NWD2: variants seen among roughly 807,000 people sequenced by gnomAD.
NWD2 encodes NACHT and WD repeat domain-containing protein 2.
Under a neutral mutation model 132.7 loss-of-function variants are expected in NWD2, and 37 were observed. The ratio of observed to expected loss-of-function variants is 0.28; its 90% CI spans 0.21 to 0.37. The LOEUF (loss-of-function observed/expected upper bound fraction) is 0.37. Ranked by LOEUF, NWD2 falls within the 10% of genes least tolerant of loss-of-function variation. The probability of loss-of-function intolerance (pLI) is 1.00; values close to 1 mark genes in which losing one functional copy is unlikely to be tolerated. For synonymous variants in NWD2, 705 were observed against 803.0 expected (o/e 0.88, Z 2.06); for missense variants, 1,592 against 2,122.4 (o/e 0.75, Z 4.91).
At chr4:37,259,048 C>T (rs1717578443) in intron 1 of NWD2, among the ~76,000 whole-genome samples, 1 of 152,188 alleles carries the variant, frequency 6.6e-6, no homozygotes, top group South Asian at 2.1e-4. Context: ...GCACCTGCAC[C>T]TGCAAGGGGG....
chr4:37,388,944 G>A (rs1720628604), intron 3 of NWD2, among the ~76,000 whole-genome samples: 1 of 151,264 alleles, frequency 6.6e-6, no homozygotes, highest in East Asian at 1.9e-4. Flanking sequence ...TGGTGTCTAC[G>A]CCTAGTTCCA....
intron 2 of NWD2, among the ~76,000 whole-genome samples, chr4:37,331,947 T>C (rs1719301614): frequency 6.6e-6 from 1 of 152,136 alleles, no homozygotes; most frequent in South Asian, 2.1e-4. Context: ...GAAAGCAACA[T>C]TGGGCAGAAA....
Position 37,297,471 on chromosome 4 carries a change from G to C in NWD2, c.152-28465G>C, listed in dbSNP as rs149514852. 1.8e-3 allele frequency among the ~76,000 whole-genome samples: 276 copies of C among 152,124 alleles called. 1 individual carries two copies. The highest frequency in any genetic ancestry group is 6.0e-3 in the African/African-American group (249 of 41,502). Reference sequence around the variant, plus strand: ...ATCTTCATATCCTTTGCAGCTAAATGCTTCAATGTATATTTTCTAAAAATA... The same window carrying C: ...ATCTTCATATCCTTTGCAGCTAAATCCTTCAATGTATATTTTCTAAAAATA... On this transcript the variant is annotated intron_variant, in intron 1 of 6. Transcript: ENST00000309447.
chr4:37,445,392 C>T lies in NWD2; in HGVS notation c.3404C>T (p.Thr1135Ile). Residue 1135 changes from threonine to isoleucine, a missense_variant, in exon 7 of 7, where the codon ACA (threonine) becomes ATA (isoleucine). Physicochemically the swap from Thr to Ile is moderately conservative, Grantham distance 89. Around this residue, in one of 7 missense-constraint regions of NWD2, gnomAD observed 1,071 missense variants for 1,398.0 expected, o/e 0.77. Coordinates refer to ENST00000309447, the MANE Select transcript of NWD2 (RefSeq NM_001144990.2). The surrounding 1 kb of genome is among the most constrained non-coding windows in gnomAD (Gnocchi z 4.7). ...TTAGGGAGTGGAGAAAAGTTATGTACAGTGACATCAGAATTTTCAGGTGGA... is the reference window on the plus strand; with the variant it reads ...TTAGGGAGTGGAGAAAAGTTATGTATAGTGACATCAGAATTTTCAGGTGGA... Reference protein sequence around the residue: ...FHLGSGEKLCTVTSEFSGGFV... With the variant: ...FHLGSGEKLCIVTSEFSGGFV... The T allele has an allele frequency of 6.4e-7, 1 of 1,552,106 alleles. No homozygotes were observed. Among genetic ancestry groups the T allele is most frequent in the Middle Eastern group, 1.7e-4 (1 of 5,996 alleles).
chr4:37,321,255 C>G (rs1307168423), intron 1 of NWD2, among the ~76,000 whole-genome samples: 1 of 152,172 alleles, frequency 6.6e-6, no homozygotes, highest in Non-Finnish European at 1.5e-5. Context: ...TTTCAGCACT[C>G]TTTTATCTTC....
chr4:37,420,009 C>T (rs1055284633), intron 3 of NWD2, among the ~76,000 whole-genome samples: 2 of 152,142 alleles, frequency 1.3e-5, no homozygotes, highest in Non-Finnish European at 2.9e-5. Context: ...TCCTAGTTTC[C>T]TAGAAACCAT....
intron 3 of NWD2, among the ~76,000 whole-genome samples, chr4:37,429,304 A>G (rs766520465): frequency 1.3e-4 from 20 of 152,050 alleles, no homozygotes; most frequent in Non-Finnish European, 2.5e-4. Flanking sequence ...ATAAATATCA[A>G]AATCACTGGA....
chr4:37,304,918 C>T (rs1308023912), intron 1 of NWD2, among the ~76,000 whole-genome samples: 1 of 152,190 alleles, frequency 6.6e-6, no homozygotes, highest in Non-Finnish European at 1.5e-5. Context: ...GCGGGGGCTT[C>T]AATACCACAC....
chr4:37,447,230 C>G lies in NWD2; in HGVS notation c.*13C>G. The G allele has an allele frequency of 6.5e-7, 1 of 1,532,318 alleles. No homozygotes were observed. Among genetic ancestry groups the G allele is most frequent in the Non-Finnish European group, 8.8e-7 (1 of 1,134,530 alleles). The allele number at this position is 1,532,318 out of a possible 1,614,324, so 94.9% of individuals were successfully genotyped here. On this transcript the variant is annotated 3_prime_UTR_variant, in exon 7 of 7. Coordinates refer to ENST00000309447, the MANE Select transcript of NWD2 (RefSeq NM_001144990.2). Reference sequence around the variant, plus strand: ...CCCTGATAACTGACAAAATGTTTTCCAGCTAAGCAGAAATATGTGATCCAC... The same window carrying G: ...CCCTGATAACTGACAAAATGTTTTCGAGCTAAGCAGAAATATGTGATCCAC...
At chr4:37,408,252 C>T (rs1301821798) in intron 3 of NWD2, among the ~76,000 whole-genome samples, 5 of 149,520 alleles carry the variant, frequency 3.3e-5, no homozygotes, top group East Asian at 2.0e-4. Context: ...CCCACCCCCA[C>T]GGAGCCCAGC....
chr4:37,305,769 A>C (rs1226978893), intron 1 of NWD2, among the ~76,000 whole-genome samples: 1 of 152,056 alleles, frequency 6.6e-6, no homozygotes, highest in Non-Finnish European at 1.5e-5. Context: ...CATCAGGGTT[A>C]TTGGTCTGTA....
At chr4:37,406,923 T>C (rs7682223) in intron 3 of NWD2, among the ~76,000 whole-genome samples, 29,400 of 152,096 alleles carry the variant, frequency 0.19, 2,928 homozygotes, top group East Asian at 0.3. Flanking sequence ...AATGAGTTCA[T>C]GTCCTTTGTA....
At chr4:37,396,145 C>T (rs17603996) in intron 3 of NWD2, among the ~76,000 whole-genome samples, 11,037 of 152,214 alleles carry the variant, frequency 0.073, 815 homozygotes, top group East Asian at 0.29. Flanking sequence ...ATGACTGGTG[C>T]ACAAATACTG....
chr4:37,445,656 C>A lies in NWD2; in HGVS notation c.3668C>A (p.Ala1223Asp), dbSNP rs1712615582. The change falls in exon 7 of 7, where the codon GCT becomes GAT. Residue 1223 changes from alanine to aspartate, a missense_variant. Ala to Asp is a moderately radical substitution (Grantham distance 126). Around this residue, in one of 7 missense-constraint regions of NWD2, gnomAD observed 1,071 missense variants for 1,398.0 expected, o/e 0.77. Transcript: ENST00000309447. The surrounding 1 kb of genome is among the most constrained non-coding windows in gnomAD (Gnocchi z 4.7). ...ELLDTGLWKV[A>D]EKFRAKHNER... The stretch of plus-strand genomic sequence containing the variant: ...TTAGATACTGGTCTGTGGAAGGTGG[C>A]TGAAAAGTTCAGAGCCAAGCACAAC... 1 of 1,552,014 alleles carries A rather than the reference C, an allele frequency of 6.4e-7. No homozygotes were observed. Among genetic ancestry groups the A allele is most frequent in the Non-Finnish European group, 8.7e-7 (1 of 1,147,116 alleles).
chr4:37,419,587 G>C (rs1318509855), intron 3 of NWD2, among the ~76,000 whole-genome samples: 2 of 152,050 alleles, frequency 1.3e-5, no homozygotes, highest in Admixed American at 6.6e-5. Context: ...GTGGGCAAAG[G>C]ATATAAACAG....
At chr4:37,367,550 A>T (rs1389048990) in intron 3 of NWD2, among the ~76,000 whole-genome samples, 1 of 152,162 alleles carries the variant, frequency 6.6e-6, no homozygotes, top group East Asian at 1.9e-4. Context: ...GCTTCTACAA[A>T]TTATCAGTGC....
chr4:37,296,920 G>A (rs894421264), intron 1 of NWD2, among the ~76,000 whole-genome samples: 5 of 152,210 alleles, frequency 3.3e-5, no homozygotes, highest in African/African-American at 1.2e-4. Flanking sequence ...TGATGGTTCA[G>A]TATTCACAAT....
chr4:37,384,792 A>G (rs983046705), intron 3 of NWD2, among the ~76,000 whole-genome samples: 23 of 152,194 alleles, frequency 1.5e-4, no homozygotes, highest in African/African-American at 5.5e-4. Flanking sequence ...AAGGCTAGCA[A>G]CTACAGCCCT....
Position 37,446,677 on chromosome 4 carries a change from C to A in NWD2, c.4689C>A (p.Ala1563=). ...LYSGKLRVVH[A]SGIIWRQRLS... is the part of the protein sequence containing the mutation. ...GTGGTAAATTGCGGGTGGTTCACGC[C>A]TCTGGGATCATCTGGCGGCAGAGGT... is the stretch of plus-strand genomic sequence containing the variant. The change falls in exon 7 of 7, where the codon GCC becomes GCA. Residue 1563 remains alanine (A), a synonymous_variant. Transcript: ENST00000309447. This position sits in a 1 kb window ranked among gnomAD's most constrained non-coding sequence, Gnocchi z 6.7. 1 of 1,550,460 alleles carries A rather than the reference C, an allele frequency of 6.4e-7. No individual in the cohort carries two copies. The highest frequency in any genetic ancestry group is 8.7e-7 in the Non-Finnish European group (1 of 1,146,794).
Sources: gnomAD v4.1 joint callset for allele counts (sites outside exome capture counted in the v4.1 genomes callset) on GRCh38, gnomAD v4.1.1 for gene constraint, gnomAD v4.1.1 regional missense constraint, Gnocchi (gnomAD v3.1) non-coding constraint, MANE v1.5 for transcripts, NCBI Gene and HGNC (gene_info 2026-07-23, HGNC 2026-07-21) for gene names.